STT3B: variants seen among roughly 807,000 people sequenced by gnomAD.
STT3B encodes the protein dolichyl-diphosphooligosaccharide--protein glycosyltransferase subunit STT3B.
STT3B carries 29 observed loss-of-function variants against 96.8 expected under a neutral mutation model. The observed-to-expected ratio is 0.30, with a 90% CI of 0.22 to 0.41. The LOEUF (loss-of-function observed/expected upper bound fraction) is 0.41, where lower values mean the gene tolerates loss of function less well. Among genes scored for constraint, STT3B ranks in the 10% least tolerant of loss-of-function variants. The probability of loss-of-function intolerance (pLI) is 1.00; values close to 1 mark genes in which losing one functional copy is unlikely to be tolerated. For synonymous variants in STT3B, 367 were observed against 360.0 expected, an observed-to-expected ratio of 1.02 and a Z score of -0.22; for missense variants, 640 against 1,022.3, an observed-to-expected ratio of 0.63 and a Z score of 5.10.
At chr3:31,627,644 G>A (rs1418994580) in intron 13 of STT3B, among the ~76,000 whole-genome samples, 3 of 152,170 alleles carry the variant, frequency 2.0e-5, no homozygotes, top group Non-Finnish European at 4.4e-5. Context: ...TAAAGCCTCA[G>A]ATTTCCTGGT....
intron 1 of STT3B, among the ~76,000 whole-genome samples, chr3:31,572,256 T>C (rs999701474): frequency 1.4e-5 from 2 of 147,570 alleles, no homozygotes; most frequent in South Asian, 2.1e-4. Context: ...AGTTCTTATA[T>C]GTAATTACTC....
chr3:31,589,555 G>T (rs10452005), intron 3 of STT3B, among the ~76,000 whole-genome samples: 102,993 of 151,656 alleles, frequency 0.68, 35,897 homozygotes, highest in Non-Finnish European at 0.76. Flanking sequence ...TATTTCTGGA[G>T]TCTGTTCTGT....
At chr3:31,620,675 C>CT (rs1699407519) in intron 9 of STT3B, among the ~76,000 whole-genome samples, 1 of 152,178 alleles carries the variant, frequency 6.6e-6, no homozygotes, top group African/African-American at 2.4e-5. Flanking sequence ...TCAAAGGCTT[C>CT]TACATGATTT....
chr3:31,546,403 G>A (rs1348558734), intron 1 of STT3B, among the ~76,000 whole-genome samples: 1 of 152,146 alleles, frequency 6.6e-6, no homozygotes, highest in African/African-American at 2.4e-5. Flanking sequence ...CCTCAGCTGG[G>A]GCTTTTGGCT....
intron 9 of STT3B, among the ~76,000 whole-genome samples, chr3:31,621,634 C>G (rs1445034098): frequency 1.3e-5 from 2 of 152,166 alleles, no homozygotes; most frequent in African/African-American, 4.8e-5. Flanking sequence ...AGTAACTTTG[C>G]AGGTTCCTCC....
At chr3:31,580,261 T>C (rs1698353186) in intron 3 of STT3B, among the ~76,000 whole-genome samples, 165 bp downstream of exon 3, 1 of 152,172 alleles carries the variant, frequency 6.6e-6, no homozygotes, top group Non-Finnish European at 1.5e-5. Context: ...TAAAATATGT[T>C]AGGCATCTCT....
chr3:31,635,808 G>A (rs150819795), intron 15 of STT3B, among the ~76,000 whole-genome samples, 176 bp from the exon 16 acceptor site: 69 of 152,182 alleles, frequency 4.5e-4, no homozygotes, highest in African/African-American at 1.5e-3. Flanking sequence ...AGTGTACTCA[G>A]GTAAGAAACA....
intron 5 of STT3B, among the ~76,000 whole-genome samples, chr3:31,604,213 G>A (rs189412562): frequency 1.4e-4 from 21 of 152,066 alleles, no homozygotes; most frequent in African/African-American, 2.9e-4. Flanking sequence ...GCTGGGAACC[G>A]TCATTAAAGT....
At chr3:31,626,227 TC>T (rs1699534412) in intron 13 of STT3B, 100 bp downstream of exon 13, 4 of 1,085,376 alleles carry the variant, frequency 3.7e-6, no homozygotes, top group Middle Eastern at 2.1e-4. Context: ...CATCATCCTA[TC>T]CCTCAGATTA....
chr3:31,590,668 C>T (rs956502143), intron 3 of STT3B, among the ~76,000 whole-genome samples: 1 of 151,924 alleles, frequency 6.6e-6, no homozygotes. Context: ...TATATGGAGA[C>T]TTGTTTTATG....
intron 1 of STT3B, among the ~76,000 whole-genome samples, chr3:31,551,891 T>C (rs771334751): frequency 6.6e-6 from 1 of 152,288 alleles, no homozygotes; most frequent in South Asian, 2.1e-4. Flanking sequence ...GGCAAGGAAC[T>C]ACTAACAGCC....
chr3:31,619,544 T>C, intron 8 of STT3B, 132 bp from the exon 9 acceptor site: 1 of 717,898 alleles, frequency 1.4e-6, no homozygotes, highest in Non-Finnish European at 2.3e-6. Flanking sequence ...ACTGGTTACC[T>C]TGGAAGGTAT....
intron 1 of STT3B, among the ~76,000 whole-genome samples, chr3:31,539,755 A>G (rs1289241616): frequency 6.6e-6 from 1 of 152,134 alleles, no homozygotes; most frequent in Non-Finnish European, 1.5e-5. Flanking sequence ...GGAAACTCTG[A>G]AGAGAGTAGC....
At chr3:31,618,314 T>TAC (rs1699354245) in intron 8 of STT3B, among the ~76,000 whole-genome samples, 1 of 152,048 alleles carries the variant, frequency 6.6e-6, no homozygotes, top group Admixed American at 6.6e-5. Flanking sequence ...TTAGTAATAA[T>TAC]TTTTTATTCT....
intron 3 of STT3B, among the ~76,000 whole-genome samples, chr3:31,583,547 C>G (rs1698463171): frequency 6.6e-6 from 1 of 152,128 alleles, no homozygotes. Context: ...ATAGCCATCC[C>G]TGCTCTCTTT....
intron 5 of STT3B, among the ~76,000 whole-genome samples, chr3:31,607,688 G>T (rs1699084195): frequency 6.6e-6 from 1 of 152,104 alleles, no homozygotes; most frequent in Non-Finnish European, 1.5e-5. Flanking sequence ...AGTTGAAAAA[G>T]TCAAATACTA....
In STT3B at chr3:31,533,169, G is replaced by A. The variant is rs1430886809; in HGVS notation, c.171G>A (p.Gly57=). The A allele has an allele frequency of 3.0e-6, 4 of 1,354,224 alleles. No homozygotes were observed. The African/African-American group carries it at 4.6e-5, about 15-fold the overall frequency. The allele number at this position is 1,354,224 out of a possible 1,614,324, so 83.9% of individuals were successfully genotyped here. ...GAAPPKPAPA[G]LSGGLSQPAG... The stretch of plus-strand genomic sequence containing the variant: ...CGCCGCCGAAGCCGGCCCCGGCGGG[G>A]CTGTCCGGGGGGCTGTCGCAGCCGG... Residue 57 remains glycine (G), a synonymous_variant, in exon 1 of 16, where the codon GGG becomes GGA. Coordinates refer to ENST00000295770, the MANE Select transcript of STT3B (RefSeq NM_178862.3).
At chr3:31,562,708 T>C (rs563182825) in intron 1 of STT3B, among the ~76,000 whole-genome samples, 1 of 152,310 alleles carries the variant, frequency 6.6e-6, no homozygotes, top group South Asian at 2.1e-4. Flanking sequence ...CAAGTGGCTG[T>C]AAGCAATGGA....
At chr3:31,557,278 C>CT (rs1697742908) in intron 1 of STT3B, among the ~76,000 whole-genome samples, 2 of 152,138 alleles carry the variant, frequency 1.3e-5, no homozygotes, top group African/African-American at 4.8e-5. Flanking sequence ...GTTTGGGTTA[C>CT]TGTAGTCTTA....
Sources: gnomAD v4.1 joint callset for allele counts (sites outside exome capture counted in the v4.1 genomes callset) on GRCh38, gnomAD v4.1.1 for gene constraint, MANE v1.5 for transcripts, NCBI Gene and HGNC (gene_info 2026-07-23, HGNC 2026-07-21) for gene names.